The following LZTFL1 variants were observed in gnomAD, a reference collection of about 807,000 sequenced individuals.
LZTFL1 encodes the protein leucine zipper transcription factor-like protein 1.
A neutral mutation model predicts 45.9 loss-of-function variants in LZTFL1; 25 were observed. That is an observed-to-expected ratio of 0.54 (90% CI 0.40 to 0.76). The LOEUF (loss-of-function observed/expected upper bound fraction) is 0.76, where lower values mean the gene tolerates loss of function less well. LZTFL1 is among the 30% of genes least tolerant of loss of function. LZTFL1 has a pLI of 0.00. For synonymous variants in LZTFL1, 93 were observed against 117.4 expected (o/e 0.79, Z 1.35); for missense variants, 277 against 331.1 (o/e 0.84, Z 1.27).
chr3:45,841,385 G>C (rs1034740084), intron 1 of LZTFL1, among the ~76,000 whole-genome samples: 1 of 152,178 alleles, frequency 6.6e-6, no homozygotes, highest in Admixed American at 6.5e-5. Context: ...TATTTTTTGA[G>C]CAAGCCAAAA....
chr3:45,837,794 G>T, intron 2 of LZTFL1, 133 bp downstream of exon 2: 1 of 904,518 alleles, frequency 1.1e-6, no homozygotes. Context: ...GAGGCTTAGT[G>T]TAGCTGCTCT....
intron 2 of LZTFL1, among the ~76,000 whole-genome samples, chr3:45,890,542 TG>T (rs1305050959): frequency 2.0e-5 from 3 of 150,712 alleles, no homozygotes; most frequent in Non-Finnish European, 2.9e-5. Context: ...TTCTGCTTGC[TG>T]GGTGAGTTTC....
At chr3:45,850,998 C>T (rs1701298543) in intron 4 of LZTFL1, among the ~76,000 whole-genome samples, 1 of 152,116 alleles carries the variant, frequency 6.6e-6, no homozygotes, top group Non-Finnish European at 1.5e-5. Flanking sequence ...CACATAGCAC[C>T]CCTTTGTCAT....
intron 2 of LZTFL1, among the ~76,000 whole-genome samples, chr3:45,891,463 T>A (rs954680158): frequency 6.6e-6 from 1 of 152,184 alleles, no homozygotes; most frequent in Non-Finnish European, 1.5e-5. Flanking sequence ...TTTCATTAAT[T>A]TTTTGCATTT....
intron 3 of LZTFL1, 70 bp downstream of exon 3, chr3:45,835,520 A>C: frequency 6.9e-7 from 1 of 1,449,508 alleles, no homozygotes; most frequent in Non-Finnish European, 9.7e-7. Flanking sequence ...ATGCAGCCAA[A>C]GATGTTCACT....
At chr3:45,837,775 TG>T in intron 2 of LZTFL1, 151 bp downstream of exon 2, 4 of 644,952 alleles carry the variant, frequency 6.2e-6, no homozygotes, top group Non-Finnish European at 9.7e-6. Flanking sequence ...TTTTGTTTCC[TG>T]TATCCATGAG....
rs201710689 is a variant in LZTFL1 at position 45,900,873 on chromosome 3, G to A, written c.-215+12247C>T. On this transcript the variant is annotated intron_variant, in intron 2 of 4. Transcript: ENST00000472635. The surrounding 1 kb of genome is among the most constrained non-coding windows in gnomAD (Gnocchi z 4.7). ...ATCCACATCTTCCATGGAAGACTAC[G>A]TTAACTTCAACTTCACTGACTTCTA... The A allele has an allele frequency of 4.7e-5, 76 of 1,613,978 alleles. No individual in the cohort carries two copies. The highest frequency in any genetic ancestry group is 6.0e-5 in the Non-Finnish European group (71 of 1,180,012).
intron 4 of LZTFL1, among the ~76,000 whole-genome samples, chr3:45,854,744 A>G (rs1017278854): frequency 6.6e-6 from 1 of 152,172 alleles, no homozygotes; most frequent in Non-Finnish European, 1.5e-5. Flanking sequence ...ACCACCAACC[A>G]TTTTATCACT....
At chr3:45,879,949 G>A (rs939901434) in intron 2 of LZTFL1, among the ~76,000 whole-genome samples, 2 of 152,168 alleles carry the variant, frequency 1.3e-5, no homozygotes, top group African/African-American at 2.4e-5. Context: ...CCTGGGTGAC[G>A]TTTAGTGTGT....
chr3:45,890,912 T>G (rs1056883391), intron 2 of LZTFL1, among the ~76,000 whole-genome samples: 1 of 152,196 alleles, frequency 6.6e-6, no homozygotes, highest in Non-Finnish European at 1.5e-5. Flanking sequence ...ATGTTCATAA[T>G]CCGTTAGGTG....
Position 45,911,497 on chromosome 3 carries a change from G to A in LZTFL1, c.-215+1623C>T, listed in dbSNP as rs758794046. Among the ~76,000 whole-genome samples, 5 of 152,220 alleles carry A rather than the reference G, an allele frequency of 3.3e-5. 1 individual carries two copies. Among genetic ancestry groups the A allele is most frequent in the South Asian group, 2.1e-4 (1 of 4,832 alleles). The stretch of plus-strand genomic sequence containing the variant: ...TAGTGGCACTAGGAGTTGGATCCAC[G>A]TCTTTCTGATTCTAGAACCCAATCT... On this transcript the variant is annotated intron_variant, in intron 2 of 4. Transcript: ENST00000472635.
At chr3:45,828,389 T>A in intron 8 of LZTFL1, 50 bp downstream of exon 8, 1 of 1,526,444 alleles carries the variant, frequency 6.6e-7, no homozygotes, top group Non-Finnish European at 9.0e-7. Context: ...CTATACTGTG[T>A]GCATTAATCA....
intron 7 of LZTFL1, 130 bp downstream of exon 7, chr3:45,830,783 G>A (rs747741643): frequency 1.4e-5 from 11 of 760,846 alleles, no homozygotes; most frequent in Admixed American, 2.4e-5. Flanking sequence ...CCCAACACAT[G>A]ACAATAGAGG....
chr3:45,875,294 G>A (rs34901975), intron 2 of LZTFL1, among the ~76,000 whole-genome samples: 13,444 of 152,210 alleles, frequency 0.088, 1,028 homozygotes, highest in South Asian at 0.36. Context: ...TATAGTAAGT[G>A]CAAAATCAGT....
Position 45,872,697 on chromosome 3 carries a change from G to A in LZTFL1, c.-214-13681C>T, listed in dbSNP as rs558853133. Reference sequence around the variant, plus strand: ...ACAATTTGAGAACCATCAGGCTAGCGATGACTGGCTAAAGAAACTTTTAAC... The same window carrying A: ...ACAATTTGAGAACCATCAGGCTAGCAATGACTGGCTAAAGAAACTTTTAAC... On this transcript the variant is annotated intron_variant, in intron 2 of 4. Coordinates refer to the LZTFL1 transcript ENST00000472635. Among the ~76,000 whole-genome samples, 28 of 152,332 alleles carry A rather than the reference G, an allele frequency of 1.8e-4. 1 individual carries two copies. The highest frequency in any genetic ancestry group is 4.8e-4 in the African/African-American group (20 of 41,574).
chr3:45,851,970 C>A (rs59902759), intron 4 of LZTFL1, among the ~76,000 whole-genome samples: 1 of 152,146 alleles, frequency 6.6e-6, no homozygotes, highest in African/African-American at 2.4e-5. Context: ...TGTGGGTCAG[C>A]TCCTGCTCCA....
chr3:45,862,282 A>G (rs529556496), intron 2 of LZTFL1, among the ~76,000 whole-genome samples: 17 of 152,366 alleles, frequency 1.1e-4, no homozygotes, highest in African/African-American at 3.8e-4. Flanking sequence ...CCAGCCAGGA[A>G]CAGGCGGACC....
chr3:45,844,697 T>C (rs1701190465), upstream of LZTFL1, among the ~76,000 whole-genome samples: 1 of 152,314 alleles, frequency 6.6e-6, no homozygotes, highest in Admixed American at 6.5e-5. Flanking sequence ...CAAGACCTTA[T>C]AGAAGAGAAG....
At chr3:45,846,596 A>C (rs1701221166), upstream of LZTFL1, among the ~76,000 whole-genome samples, 1 of 152,242 alleles carries the variant, frequency 6.6e-6, no homozygotes, top group African/African-American at 2.4e-5. Context: ...TATGTATTAT[A>C]TACTATATTA....
Sources: allele counts gnomAD v4.1 joint callset (sites outside exome capture counted in the v4.1 genomes callset), GRCh38; gene constraint gnomAD v4.1.1; non-coding constraint Gnocchi (gnomAD v3.1); transcripts MANE v1.5; gene names NCBI Gene and HGNC (gene_info 2026-07-23, HGNC 2026-07-21).